LONP2: variants seen among roughly 807,000 people sequenced by gnomAD.
The protein encoded by LONP2 is lon protease homolog 2, peroxisomal.
LONP2 carries 60 observed loss-of-function variants against 85.6 expected under a neutral mutation model. The ratio of observed to expected loss-of-function variants is 0.70; its 90% CI spans 0.57 to 0.87. The LOEUF is 0.87. Among genes scored for constraint, LONP2 ranks in the 40% least tolerant of loss-of-function variants. LONP2 has a pLI of 0.00. For missense variants in LONP2, 860 were observed against 1,063.5 expected (o/e 0.81, Z 2.66); for synonymous variants, 395 against 389.7 (o/e 1.01, Z -0.16).
At chr16:48,307,857 C>T (rs1972943813) in intron 11 of LONP2, among the ~76,000 whole-genome samples, 1 of 152,150 alleles carries the variant, frequency 6.6e-6, no homozygotes, top group Non-Finnish European at 1.5e-5. Flanking sequence ...GGCTCTATAA[C>T]AGGCACAGTG....
At chr16:48,303,021 TGAG>T (rs1972838319) in intron 10 of LONP2, 148 bp from the exon 11 acceptor site, 2 of 650,960 alleles carry the variant, frequency 3.1e-6, no homozygotes, top group South Asian at 2.1e-5. Context: ...ATAACAATAA[TGAG>T]GAGTTTTAAG....
intron 11 of LONP2, among the ~76,000 whole-genome samples, chr16:48,303,862 G>T (rs894786537): frequency 2.0e-5 from 3 of 152,166 alleles, no homozygotes; most frequent in Admixed American, 6.5e-5. Context: ...AAAGCTGAAG[G>T]CCAGAAGATT....
intron 11 of LONP2, among the ~76,000 whole-genome samples, chr16:48,303,735 C>T (rs1283525840): frequency 6.6e-6 from 1 of 152,208 alleles, no homozygotes; most frequent in Admixed American, 6.5e-5. Flanking sequence ...GTACAGCCTT[C>T]AGTCTGTGGC....
chr16:48,311,028 T>G (rs1319854297), intron 11 of LONP2, among the ~76,000 whole-genome samples: 1 of 152,182 alleles, frequency 6.6e-6, no homozygotes, highest in Non-Finnish European at 1.5e-5. Flanking sequence ...AGTCCACTGT[T>G]AGTTTGATGA....
At position 48,347,679 on chromosome 16, in the gene LONP2, T is replaced by TCCG. The variant is rs780077710; in HGVS notation, c.2113_2115dup (p.Arg705dup). On this transcript the variant is annotated inframe_insertion, in exon 13 of 15. Coordinates refer to ENST00000285737, the MANE Select transcript of LONP2 (RefSeq NM_031490.5). ...TCCGCCCACCTCGCTATCAGCTGGC[T>TCCG]CCGCAGCAACGCAAAGAAGTACCAG... 5.0e-6 allele frequency: 8 copies of TCCG among 1,614,070 alleles called. No individual in the cohort carries two copies. The highest frequency in any genetic ancestry group is 6.8e-6 in the Non-Finnish European group (8 of 1,180,016).
chr16:48,333,889 T>C (rs1030788411), intron 11 of LONP2, among the ~76,000 whole-genome samples: 3 of 152,248 alleles, frequency 2.0e-5, no homozygotes, highest in Non-Finnish European at 4.4e-5. Context: ...GTGCCGGGAA[T>C]TGTTCTTGAC....
At chr16:48,361,525 A>C (rs1171279195), downstream of LONP2, 1 of 1,582,988 alleles carries the variant, frequency 6.3e-7, no homozygotes, top group East Asian at 2.2e-5. Flanking sequence ...TGGGTGCCTT[A>C]TTTTCTGTGA....
At chr16:48,334,644 G>T in intron 12 of LONP2, 1 of 608,544 alleles carries the variant, frequency 1.6e-6, no homozygotes, top group Admixed American at 2.1e-5. Context: ...CACAGGCACA[G>T]CATCAGGCGC....
At chr16:48,335,465 T>C (rs1959617614) in intron 12 of LONP2, among the ~76,000 whole-genome samples, 1 of 152,258 alleles carries the variant, frequency 6.6e-6, no homozygotes, top group African/African-American at 2.4e-5. Flanking sequence ...TGTTAGACTA[T>C]AACTGCTAAG....
At chr16:48,306,457 TA>T (rs1222338195) in intron 11 of LONP2, among the ~76,000 whole-genome samples, 1 of 152,212 alleles carries the variant, frequency 6.6e-6, no homozygotes, top group African/African-American at 2.4e-5. Flanking sequence ...GTGTGGTTTT[TA>T]AAAGTGATCA....
chr16:48,297,493 A>G (rs940478691), intron 9 of LONP2, among the ~76,000 whole-genome samples: 5 of 151,970 alleles, frequency 3.3e-5, no homozygotes, highest in Non-Finnish European at 5.9e-5. Context: ...CATTGTTAGT[A>G]GGGACAGGGT....
At chr16:48,274,554 C>G (rs1171529307) in intron 7 of LONP2, among the ~76,000 whole-genome samples, 1 of 151,986 alleles carries the variant, frequency 6.6e-6, no homozygotes, top group African/African-American at 2.4e-5. Flanking sequence ...TGCTATTATA[C>G]ATTAAAATCC....
At chr16:48,258,831 CACT>C in intron 4 of LONP2, 91 bp downstream of exon 4, 1 of 1,180,152 alleles carries the variant, frequency 8.5e-7, no homozygotes. Flanking sequence ...TGTCTCCTAC[CACT>C]CGCACTACTG....
At chr16:48,306,373 C>T (rs1160835453) in intron 11 of LONP2, among the ~76,000 whole-genome samples, 2 of 152,080 alleles carry the variant, frequency 1.3e-5, no homozygotes, top group Admixed American at 1.3e-4. Flanking sequence ...TTTAAAATAA[C>T]CCACAAATAC....
chr16:48,309,172 A>G (rs1383170476), intron 11 of LONP2, among the ~76,000 whole-genome samples: 1 of 152,196 alleles, frequency 6.6e-6, no homozygotes, highest in African/African-American at 2.4e-5. Flanking sequence ...TGTGGAGAAA[A>G]GGGAGTGCTT....
At chr16:48,275,276 A>G (rs1481775607) in intron 7 of LONP2, among the ~76,000 whole-genome samples, 1 of 152,176 alleles carries the variant, frequency 6.6e-6, no homozygotes, top group Non-Finnish European at 1.5e-5. Context: ...TAGGTCAAGT[A>G]ATTTGCCCAA....
chr16:48,294,109 G>A (rs1248253379), intron 8 of LONP2, among the ~76,000 whole-genome samples: 1 of 152,018 alleles, frequency 6.6e-6, no homozygotes, highest in Non-Finnish European at 1.5e-5. Flanking sequence ...GCTAATTTTT[G>A]TATTTTTTTT....
intron 11 of LONP2, among the ~76,000 whole-genome samples, chr16:48,318,143 G>A (rs186289827): frequency 6.6e-6 from 1 of 152,076 alleles, no homozygotes; most frequent in Admixed American, 6.5e-5. Flanking sequence ...ACAGCTTCCT[G>A]TTTTGGTTGA....
At chr16:48,348,370 CCTT>C (rs1302259608) in intron 14 of LONP2, 80 bp downstream of exon 14, 4 of 928,810 alleles carry the variant, frequency 4.3e-6, no homozygotes, top group African/African-American at 3.5e-5. Context: ...TACGGGTTTG[CCTT>C]CTTTCTATGA....
Sources: allele counts gnomAD v4.1 joint callset (sites outside exome capture counted in the v4.1 genomes callset), GRCh38; gene constraint gnomAD v4.1.1; transcripts MANE v1.5; gene names NCBI Gene and HGNC (gene_info 2026-07-23, HGNC 2026-07-21).